LIMCH1: variants seen among roughly 807,000 people sequenced by gnomAD.
LIMCH1 encodes the protein LIM and calponin homology domains-containing protein 1.
In LIMCH1, 113 loss-of-function variants were observed where a neutral mutation model predicts 176.5. That is an observed-to-expected ratio of 0.64 (90% CI 0.55 to 0.75). LIMCH1 has a LOEUF of 0.75. Ranked by LOEUF, LIMCH1 falls within the 30% of genes least tolerant of loss-of-function variation. LIMCH1 has a pLI of 0.00. For synonymous variants in LIMCH1, 619 were observed against 645.9 expected, an observed-to-expected ratio of 0.96 and a Z score of 0.63; for missense variants, 1,674 against 1,814.9, an observed-to-expected ratio of 0.92 and a Z score of 1.41.
intron 20 of LIMCH1, among the ~76,000 whole-genome samples, chr4:41,665,940 A>T (rs2094806482): frequency 6.6e-6 from 1 of 152,230 alleles, no homozygotes; most frequent in Non-Finnish European, 1.5e-5. Flanking sequence ...AACTATTTAC[A>T]AGTAGTAACA....
At chr4:41,485,847 A>G (rs534285195) in intron 1 of LIMCH1, among the ~76,000 whole-genome samples, 1 of 152,288 alleles carries the variant, frequency 6.6e-6, no homozygotes, top group South Asian at 2.1e-4. Context: ...AGAAGCAGCA[A>G]GACCAGTTAG....
chr4:41,371,051 G>A (rs981473931), intron 1 of LIMCH1, among the ~76,000 whole-genome samples: 6 of 152,092 alleles, frequency 3.9e-5, no homozygotes, highest in Admixed American at 1.3e-4. Flanking sequence ...CAGCTGCTCC[G>A]TATATATTTA....
chr4:41,449,511 C>T (rs1325919500), intron 1 of LIMCH1, among the ~76,000 whole-genome samples: 1 of 152,190 alleles, frequency 6.6e-6, no homozygotes, highest in East Asian at 1.9e-4. Context: ...TACATTTTCT[C>T]CCCACCTTCT....
intron 4 of LIMCH1, among the ~76,000 whole-genome samples, chr4:41,611,897 A>G (rs2091460473): frequency 6.6e-6 from 1 of 152,194 alleles, no homozygotes; most frequent in Non-Finnish European, 1.5e-5. Context: ...GTGAGTCATG[A>G]GTTCTTCCTT....
chr4:41,430,223 A>C (rs188579278), intron 1 of LIMCH1, among the ~76,000 whole-genome samples: 33 of 152,282 alleles, frequency 2.2e-4, no homozygotes, highest in Non-Finnish European at 4.6e-4. Flanking sequence ...ATGGTGATGA[A>C]GCTAAGATGT....
chr4:41,584,852 A>G (rs2086162705), intron 1 of LIMCH1, among the ~76,000 whole-genome samples: 1 of 152,184 alleles, frequency 6.6e-6, no homozygotes. Flanking sequence ...GGTGGCTTAT[A>G]AACAACAGGA....
intron 1 of LIMCH1, among the ~76,000 whole-genome samples, chr4:41,454,006 C>CCTAT (rs2064212731): frequency 6.6e-6 from 1 of 152,106 alleles, no homozygotes; most frequent in African/African-American, 2.4e-5. Flanking sequence ...AGTCATCCTT[C>CCTAT]CTATCTAAGT....
intron 13 of LIMCH1, 97 bp from the exon 14 acceptor site, chr4:41,638,835 G>A (rs1415719602): frequency 1.0e-6 from 1 of 955,220 alleles, no homozygotes; most frequent in Non-Finnish European, 1.7e-6. Context: ...AAAAGGTTTG[G>A]CGCACATGTA....
chr4:41,363,606 C>T (rs543416928), intron 1 of LIMCH1, among the ~76,000 whole-genome samples: 36 of 152,200 alleles, frequency 2.4e-4, no homozygotes, highest in Admixed American at 2.0e-3. Flanking sequence ...AGATCCAGGA[C>T]GTAACTTGTT....
intron 1 of LIMCH1, among the ~76,000 whole-genome samples, chr4:41,436,061 G>T (rs538221347): frequency 8.6e-5 from 13 of 151,986 alleles, no homozygotes; most frequent in Non-Finnish European, 1.3e-4. Flanking sequence ...TATTACTTTT[G>T]TAAAGTTTAG....
Position 41,611,372 on chromosome 4 carries a change from CA to C in LIMCH1, c.10-2093del, listed in dbSNP as rs1480202373. On this transcript the variant is annotated intron_variant, in intron 4 of 31. Coordinates refer to ENST00000503057, the MANE Select transcript of LIMCH1 (RefSeq NM_001330672.2). ...GACATATCCCTGTCATTCAGCAACA[CA>C]TAACTATATTTATAGTTTTGTGATC... Among the ~76,000 whole-genome samples the C allele has an allele frequency of 7.2e-5, 11 of 152,214 alleles. 1 individual carries two copies. In the South Asian group the frequency reaches 1.9e-3, roughly 26 times the overall value.
intron 1 of LIMCH1, among the ~76,000 whole-genome samples, chr4:41,368,727 G>A (rs1405937279): frequency 1.3e-5 from 2 of 152,152 alleles, no homozygotes; most frequent in Admixed American, 1.3e-4. Context: ...TGGTAGGGCA[G>A]GGGGTGAAGG....
At chr4:41,593,802 G>T (rs1451676006) in intron 1 of LIMCH1, among the ~76,000 whole-genome samples, 2 of 152,142 alleles carry the variant, frequency 1.3e-5, no homozygotes, top group Non-Finnish European at 2.9e-5. Flanking sequence ...GGCCCACAAG[G>T]CCTAAAAGAT....
intron 1 of LIMCH1, among the ~76,000 whole-genome samples, chr4:41,427,310 A>G (rs2061207275): frequency 6.6e-6 from 1 of 152,130 alleles, no homozygotes; most frequent in Admixed American, 6.5e-5. Flanking sequence ...AGGCCATATC[A>G]TGTGTTTTAA....
rs1486973043 is a variant in LIMCH1 at position 41,684,571 on chromosome 4, C to G, written c.3967+53C>G. 2.5e-6 allele frequency: 4 copies of G among 1,593,840 alleles called. No homozygotes were observed. The African/African-American group carries it at 5.4e-5, about 21-fold the overall frequency. On this transcript the variant is annotated intron_variant, in intron 27 of 31. Coordinates refer to ENST00000503057, the MANE Select transcript of LIMCH1 (RefSeq NM_001330672.2). ...CAATGTTTAAATTGTTGTAAGACCC[C>G]CACATTGTCCAGAAAGCTATGATCT...
chr4:41,488,075 A>G (rs1316112886), intron 1 of LIMCH1, among the ~76,000 whole-genome samples: 3 of 152,200 alleles, frequency 2.0e-5, no homozygotes, highest in Non-Finnish European at 4.4e-5. Flanking sequence ...ATCATTGCTC[A>G]ATACATGGAG....
chr4:41,662,298 A>G (rs1321347473), intron 19 of LIMCH1, among the ~76,000 whole-genome samples: 2 of 152,154 alleles, frequency 1.3e-5, no homozygotes, highest in African/African-American at 4.8e-5. Flanking sequence ...TCTAAAGTGA[A>G]CCTAATTCTT....
At chr4:41,596,018 C>T (rs2088701518) in intron 1 of LIMCH1, among the ~76,000 whole-genome samples, 3 of 146,192 alleles carry the variant, frequency 2.1e-5, no homozygotes, top group African/African-American at 8.2e-5. Flanking sequence ...TACTGCACTC[C>T]AGCCTGGGTG....
At chr4:41,588,790 G>A (rs997364653) in intron 1 of LIMCH1, among the ~76,000 whole-genome samples, 3 of 152,166 alleles carry the variant, frequency 2.0e-5, no homozygotes, top group Admixed American at 6.5e-5. Flanking sequence ...GGCAGAGACC[G>A]AGAGCCTGTC....
Sources: allele counts gnomAD v4.1 joint callset (sites outside exome capture counted in the v4.1 genomes callset), GRCh38; gene constraint gnomAD v4.1.1; transcripts MANE v1.5; gene names NCBI Gene and HGNC (gene_info 2026-07-23, HGNC 2026-07-21).